The following DOK6 variants were observed in gnomAD, a reference collection of about 807,000 sequenced individuals.
DOK6 encodes the protein docking protein 6, also known as downstream of tyrosine kinase 6.
Under a neutral mutation model 44.0 loss-of-function variants are expected in DOK6, and 22 were observed. The observed-to-expected ratio is 0.50, with a 90% CI of 0.36 to 0.71. The LOEUF is 0.71. Among genes scored for constraint, DOK6 ranks in the 30% least tolerant of loss-of-function variants. DOK6 has a pLI of 0.00. For synonymous variants in DOK6, 166 were observed against 145.5 expected (o/e 1.14, Z -1.01); for missense variants, 340 against 416.4 (o/e 0.82, Z 1.60).
intron 2 of DOK6, among the ~76,000 whole-genome samples, chr18:69,588,730 G>A (rs1489525278): frequency 6.6e-6 from 1 of 152,064 alleles, no homozygotes; most frequent in Non-Finnish European, 1.5e-5. Flanking sequence ...AGGAATTGGA[G>A]CTGGATGTTG....
intron 6 of DOK6, among the ~76,000 whole-genome samples, chr18:69,756,248 A>C (rs77742567): frequency 8.9e-4 from 135 of 152,228 alleles, no homozygotes; most frequent in African/African-American, 2.9e-3. Context: ...AAGATTCTGA[A>C]AGCACTACTC....
chr18:69,488,432 C>A (rs918593084), intron 1 of DOK6, among the ~76,000 whole-genome samples: 1 of 152,130 alleles, frequency 6.6e-6, no homozygotes, highest in African/African-American at 2.4e-5. Context: ...GCTCATTAGG[C>A]CATAGTGCTG....
chr18:69,435,223 A>G (rs1264105186), intron 1 of DOK6, among the ~76,000 whole-genome samples: 1 of 152,206 alleles, frequency 6.6e-6, no homozygotes, highest in Non-Finnish European at 1.5e-5. Context: ...AATTGAGGCC[A>G]ATGAAATAGT....
At chr18:69,427,780 CTT>C (rs113549020) in intron 1 of DOK6, among the ~76,000 whole-genome samples, 76 of 143,962 alleles carry the variant, frequency 5.3e-4, no homozygotes, top group East Asian at 8.1e-4. Context: ...AATACCCTAC[CTT>C]TTTTTTTTTT....
chr18:69,706,142 G>GAAA (rs1252496552), intron 5 of DOK6, among the ~76,000 whole-genome samples: 3 of 152,138 alleles, frequency 2.0e-5, no homozygotes, highest in Non-Finnish European at 4.4e-5. Context: ...TTATGCAGAG[G>GAAA]AAAAACAAAC....
chr18:69,703,561 T>A (rs58421284), intron 5 of DOK6, among the ~76,000 whole-genome samples: 101,408 of 152,056 alleles, frequency 0.67, 34,247 homozygotes, highest in East Asian at 0.89. Context: ...TCAACCCCCA[T>A]TCTCAATAGC....
Position 69,644,903 on chromosome 18 carries a change from T to G in DOK6, c.290-32831T>G, listed in dbSNP as rs140800437. ...CCCAATTCTTGCTGCATATTTCCTT[T>G]TCTTAGAAAATATTAAATGAATGCT... On this transcript the variant is annotated intron_variant, in intron 3 of 7. Transcript: ENST00000382713. Among the ~76,000 whole-genome samples, 417 of 152,346 alleles carry G rather than the reference T, an allele frequency of 2.7e-3. 4 individuals carry two copies. Among genetic ancestry groups the G allele is most frequent in the African/African-American group, 9.8e-3 (409 of 41,592 alleles).
rs1219071030 is a variant in DOK6, at chr18:69,810,720, A to G, written c.857-30524A>G. ...AACAGGTACATGAAAAATGCTCAAC[A>G]TCACTAATTATCAAGGAAAAACAAA... is the stretch of plus-strand genomic sequence containing the variant. On this transcript the variant is annotated intron_variant, in intron 7 of 7. Coordinates refer to ENST00000382713, the MANE Select transcript of DOK6 (RefSeq NM_152721.6). 3.3e-5 allele frequency among the ~76,000 whole-genome samples: 5 copies of G among 152,156 alleles called. No individual in the cohort carries two copies. The East Asian group carries it at 9.7e-4, about 29-fold the overall frequency.
intron 1 of DOK6, among the ~76,000 whole-genome samples, chr18:69,427,005 C>T (rs1978656916): frequency 1.0e-5 from 1 of 95,570 alleles, no homozygotes; most frequent in Admixed American, 1.1e-4. Flanking sequence ...CATCCTCTAC[C>T]CTCCAAAAGG....
chr18:69,719,809 T>C (rs1043190071), intron 5 of DOK6, among the ~76,000 whole-genome samples: 2 of 152,150 alleles, frequency 1.3e-5, no homozygotes, highest in Non-Finnish European at 2.9e-5. Flanking sequence ...TATGTTAGAT[T>C]TTTCTGACTC....
chr18:69,469,672 CG>C, intron 1 of DOK6: 1 of 249,714 alleles, frequency 4.0e-6, no homozygotes. Context: ...TGGGCACTGC[CG>C]CCCCGGAGAT....
intron 1 of DOK6, among the ~76,000 whole-genome samples, chr18:69,521,700 C>T (rs1216865613): frequency 2.0e-5 from 3 of 151,812 alleles, no homozygotes; most frequent in Non-Finnish European, 4.4e-5. Flanking sequence ...AGAATCATTT[C>T]TAATGAGTAC....
intron 3 of DOK6, among the ~76,000 whole-genome samples, chr18:69,670,377 T>C (rs1985766772): frequency 6.6e-6 from 1 of 152,166 alleles, no homozygotes; most frequent in Non-Finnish European, 1.5e-5. Flanking sequence ...TCAGAAGAGT[T>C]GCACAGAAAG....
chr18:69,580,776 C>T (rs1463476824), intron 2 of DOK6, among the ~76,000 whole-genome samples: 3 of 152,006 alleles, frequency 2.0e-5, no homozygotes, highest in East Asian at 3.9e-4. Context: ...AGAACTTATT[C>T]CTCCTATCTA....
In DOK6 at chr18:69,846,763, T is replaced by C. The variant is rs757233705; in HGVS notation, c.*5380T>C. On this transcript the variant is annotated 3_prime_UTR_variant, in exon 8 of 8. Transcript: ENST00000382713. Reference sequence around the variant, plus strand: ...TTTCTAGCACTTTACGGTGTCATTATTTATGGCATTTTTAACAACTTTGTT... The same window carrying C: ...TTTCTAGCACTTTACGGTGTCATTACTTATGGCATTTTTAACAACTTTGTT... The C allele has an allele frequency of 2.0e-5, 3 of 152,200 alleles. No homozygotes were observed. The highest frequency in any genetic ancestry group is 2.9e-5 in the Non-Finnish European group (2 of 68,034). 9.4% of individuals were successfully genotyped at this position (152,200 alleles called of 1,614,324 possible).
At chr18:69,732,611 G>A (rs907841019) in intron 5 of DOK6, among the ~76,000 whole-genome samples, 9 of 152,138 alleles carry the variant, frequency 5.9e-5, no homozygotes, top group African/African-American at 1.9e-4. Context: ...AAAATAAACA[G>A]AATAGGGTAA....
At chr18:69,553,151 C>A (rs993114435) in intron 1 of DOK6, among the ~76,000 whole-genome samples, 3 of 152,134 alleles carry the variant, frequency 2.0e-5, no homozygotes, top group Non-Finnish European at 4.4e-5. Flanking sequence ...GCCTATGTTG[C>A]TGCAGGTGGG....
At chr18:69,659,962 T>TTA (rs372958644) in intron 3 of DOK6, 1,754 of 66,794 alleles carry the variant, frequency 0.026, 172 homozygotes, top group East Asian at 0.16. Flanking sequence ...TATGTATGTT[T>TTA]TATATATATA....
At chr18:69,705,038 T>C (rs1163240746) in intron 5 of DOK6, 1 of 152,260 alleles carries the variant, frequency 6.6e-6, no homozygotes, top group Non-Finnish European at 1.5e-5. Flanking sequence ...CTCATTCTGC[T>C]CTTTGGGAAG....
Sources: allele counts gnomAD v4.1 joint callset (sites outside exome capture counted in the v4.1 genomes callset), GRCh38; gene constraint gnomAD v4.1.1; transcripts MANE v1.5; gene names NCBI Gene and HGNC (gene_info 2026-07-23, HGNC 2026-07-21).